The following NLRP7 variants were observed in gnomAD, a reference collection of about 807,000 sequenced individuals.
NLRP7 encodes the protein NLR family pyrin domain containing 7, also known as NACHT, LRR and PYD domains-containing protein 7.
In NLRP7, 72 loss-of-function variants were observed where a neutral mutation model predicts 85.5. The observed-to-expected ratio is 0.84, with a 90% CI of 0.70 to 1.02. The LOEUF is 1.02. NLRP7 is among the 50% of genes least tolerant of loss of function. NLRP7 has a pLI of 0.00. For synonymous variants in NLRP7, 550 were observed against 505.2 expected (o/e 1.09, Z -1.19); for missense variants, 1,243 against 1,219.5 (o/e 1.02, Z -0.29).
intron 9 of NLRP7, 62 bp from the exon 11 acceptor site, chr19:54,923,934 G>A (rs1291786476): frequency 6.4e-7 from 1 of 1,559,128 alleles, no homozygotes. Flanking sequence ...CAGGATGCCT[G>A]AATATCTGTT....
intron 1 of NLRP7, among the ~76,000 whole-genome samples, chr19:54,958,713 G>T (rs1397439365): frequency 4.6e-5 from 7 of 152,206 alleles, no homozygotes; most frequent in South Asian, 4.1e-4. Context: ...AGTGTAGCAG[G>T]ACGAGCCACA....
exon 10 of NLRP7, chr19:54,923,866 C>G (rs750062913): frequency 6.2e-7 from 1 of 1,613,792 alleles, no homozygotes; most frequent in Non-Finnish European, 8.5e-7. Context: ...TTTCATAGGT[C>G]TTCAACCTGG....
chr19:54,945,221 C>T (rs1295345482), intron 1 of NLRP7, among the ~76,000 whole-genome samples: 9 of 130,816 alleles, frequency 6.9e-5, no homozygotes, highest in East Asian at 2.2e-4. Flanking sequence ...CCAGCCTGGG[C>T]GAGTGAGACT....
chr19:54,924,007 G>C, intron 9 of NLRP7, 135 bp from the exon 11 acceptor site: 3 of 938,138 alleles, frequency 3.2e-6, no homozygotes, highest in Non-Finnish European at 5.0e-6. Flanking sequence ...TTGCTCTGTT[G>C]CCCAGGCTGG....
chr19:54,957,348 T>TC (rs916863886), intron 1 of NLRP7, among the ~76,000 whole-genome samples: 11 of 104,388 alleles, frequency 1.1e-4, no homozygotes, highest in South Asian at 2.7e-4. Flanking sequence ...TTCTTCTTCT[T>TC]TTTTTTTTTT....
intron 4 of NLRP7, 38 bp from the exon 5 acceptor site, chr19:54,938,279 C>T (rs1227397371): frequency 1.3e-6 from 2 of 1,559,626 alleles, no homozygotes; most frequent in East Asian, 4.5e-5. Flanking sequence ...AGGACTAGTA[C>T]CTGCATGGTG....
chr19:54,930,980 G>A (rs74758871), intron 8 of NLRP7, among the ~76,000 whole-genome samples: 5 of 150,104 alleles, frequency 3.3e-5, no homozygotes, highest in African/African-American at 1.2e-4. Context: ...CTGAGATCGC[G>A]CCACTGCACT....
chr19:54,963,162 G>A (rs974284377), intron 1 of NLRP7, among the ~76,000 whole-genome samples: 15 of 152,082 alleles, frequency 9.9e-5, no homozygotes, highest in Admixed American at 7.9e-4. Flanking sequence ...TTGGGAGGCC[G>A]TGGTGGGAAG....
intron 9 of NLRP7, among the ~76,000 whole-genome samples, chr19:54,930,130 A>AAG (rs1556724830): frequency 2.7e-5 from 4 of 150,604 alleles, no homozygotes; most frequent in African/African-American, 7.4e-5. Context: ...AAAAAAAAAA[A>AAG]AAAAGAAAAC....
chr19:54,944,822 A>G (rs2069394168), intron 1 of NLRP7, among the ~76,000 whole-genome samples: 1 of 152,158 alleles, frequency 6.6e-6, no homozygotes, highest in African/African-American at 2.4e-5. Flanking sequence ...CAAAGTGTAC[A>G]GCATGGAGCG....
rs1287576753 is a variant in NLRP7, at chr19:54,930,852, A to AT, written c.2643-187dup. Among the ~76,000 whole-genome samples, 16 of 151,948 alleles carry AT rather than the reference A, an allele frequency of 1.1e-4. No individual in the cohort carries two copies. In the East Asian group the frequency reaches 2.3e-3, roughly 22 times the overall value. ...TGCCTCAGCCTCCCAAGTAGCTGGG[A>AT]TTATAGGTGCCCGCCACCTATATAA... is the stretch of plus-strand genomic sequence containing the variant. On this transcript the variant is annotated intron_variant, in intron 8 of 9. Transcript: ENST00000340844.
chr19:54,934,735 A>T lies in NLRP7; in HGVS notation c.2301-76T>A, dbSNP rs2068832994. ...TATCAGCTTTTTTTTTTTGAGACAG[A>T]GTTTCACTCTGTTGCCCAGTCTGGA... On this transcript the variant is annotated intron_variant, in intron 6 of 9. Coordinates refer to ENST00000340844, the Ensembl canonical transcript of NLRP7. The surrounding 1 kb of genome is among the most constrained non-coding windows in gnomAD (Gnocchi z 6.7). The T allele has an allele frequency of 1.6e-6, 2 of 1,237,660 alleles. No homozygotes were observed. The highest frequency in any genetic ancestry group is 2.2e-6 in the Non-Finnish European group (2 of 892,138). The allele number at this position is 1,237,660 out of a possible 1,614,324, so 76.7% of individuals were successfully genotyped here.
At chr19:54,950,399 G>A (rs2069631407), upstream of NLRP7, among the ~76,000 whole-genome samples, 1 of 152,102 alleles carries the variant, frequency 6.6e-6, no homozygotes, top group Non-Finnish European at 1.5e-5. Context: ...GGGACCCAGG[G>A]GACCAGCATT....
chr19:54,934,715 G>T lies in NLRP7; in HGVS notation c.2301-56C>A. On this transcript the variant is annotated intron_variant, in intron 6 of 9. Coordinates refer to ENST00000340844, the Ensembl canonical transcript of NLRP7. This position sits in a 1 kb window ranked among gnomAD's most constrained non-coding sequence, Gnocchi z 6.7. ...TGGGAGGACAGAGTATACCCTATCA[G>T]CTTTTTTTTTTTGAGACAGAGTTTC... The T allele has an allele frequency of 7.1e-7, 1 of 1,409,248 alleles. No homozygotes were observed. Among genetic ancestry groups the T allele is most frequent in the Non-Finnish European group, 9.6e-7 (1 of 1,037,554 alleles). The allele number at this position is 1,409,248 out of a possible 1,614,324, so 87.3% of individuals were successfully genotyped here.
chr19:54,953,437 T>A (rs2069737079), intron 1 of NLRP7: 1 of 152,136 alleles, frequency 6.6e-6, no homozygotes, highest in South Asian at 2.1e-4. Flanking sequence ...ATTTTCACAG[T>A]GCTTTTCTAT....
intron 9 of NLRP7, among the ~76,000 whole-genome samples, chr19:54,928,202 A>G (rs2068529447): frequency 1.3e-5 from 2 of 152,200 alleles, no homozygotes; most frequent in African/African-American, 2.4e-5. Flanking sequence ...CCTGGGCAAT[A>G]GAATGAGACT....
chr19:54,945,433 A>ATT (rs1055233072), intron 1 of NLRP7, among the ~76,000 whole-genome samples: 1 of 148,132 alleles, frequency 6.8e-6, no homozygotes, highest in African/African-American at 2.5e-5. Context: ...ACCACACCTA[A>ATT]TTTTTTTTGT....
At chr19:54,962,562 C>T (rs571327795) in intron 1 of NLRP7, among the ~76,000 whole-genome samples, 10 of 151,434 alleles carry the variant, frequency 6.6e-5, no homozygotes, top group Admixed American at 2.0e-4. Context: ...TGAATCACCA[C>T]GCCCGGCCCC....
rs752056920 is a variant in NLRP7 at position 54,941,424 on chromosome 19, G to A, written c.277+11C>T. The A allele has an allele frequency of 2.8e-6, 4 of 1,425,232 alleles. No homozygotes were observed. In the East Asian group the frequency reaches 6.8e-5, roughly 24 times the overall value. 88.3% of individuals were successfully genotyped at this position (1,425,232 alleles called of 1,614,324 possible). A position where few individuals can be genotyped will look rare whatever the true frequency, so the allele number is the denominator to read the frequency against. ...AAAAAAAATGACCAGGACACCCCAG[G>A]TTCTACTTACCCATCATCTCAGCCT... On this transcript the variant is annotated intron_variant, in intron 2 of 9. Coordinates refer to ENST00000340844, the Ensembl canonical transcript of NLRP7.
Sources: gnomAD v4.1 joint callset for allele counts (sites outside exome capture counted in the v4.1 genomes callset) on GRCh38, gnomAD v4.1.1 for gene constraint, Gnocchi (gnomAD v3.1) non-coding constraint, MANE v1.5 for transcripts, NCBI Gene and HGNC (gene_info 2026-07-23, HGNC 2026-07-21) for gene names.